Variants in POFUT3 observed in about 807,000 individuals in gnomAD.
POFUT3 encodes GDP-fucose protein O-fucosyltransferase 3.
the POFUT3 span, chr8:33,436,340 C>A: frequency 4.5e-6 from 6 of 1,343,822 alleles, no homozygotes; most frequent in Non-Finnish European, 6.4e-6. Context: ...CCTCTGCCCG[C>A]TCCATGTGTA....
At chr8:33,427,969 A>G in the POFUT3 span, among the ~76,000 whole-genome samples, 2 of 152,058 alleles carry the variant, frequency 1.3e-5, no homozygotes, top group Non-Finnish European at 2.9e-5. Context: ...ACTAAAAAAT[A>G]CAAAAATTAG....
the POFUT3 span, among the ~76,000 whole-genome samples, chr8:33,354,721 T>A: frequency 6.6e-6 from 1 of 152,148 alleles, no homozygotes; most frequent in African/African-American, 2.4e-5. Context: ...CCATCACATG[T>A]TATCTTCTAT....
chr8:33,336,546 C>A, the POFUT3 span, among the ~76,000 whole-genome samples: 2 of 152,222 alleles, frequency 1.3e-5, no homozygotes, highest in South Asian at 4.2e-4. Flanking sequence ...CTAGTAGGAG[C>A]CAGTTCCAGG....
the POFUT3 span, among the ~76,000 whole-genome samples, chr8:33,458,272 A>C: frequency 6.7e-6 from 1 of 149,304 alleles, no homozygotes; most frequent in Non-Finnish European, 1.5e-5. Flanking sequence ...TAAAAAAAAA[A>C]TTAATTTTGG....
the POFUT3 span, among the ~76,000 whole-genome samples, chr8:33,328,381 CA>C: frequency 5.3e-3 from 729 of 137,510 alleles, 7 homozygotes; most frequent in African/African-American, 0.018. Context: ...AAAACAAAAA[CA>C]AAAAACAAAA....
At chr8:33,397,961 G>A in the POFUT3 span, among the ~76,000 whole-genome samples, 1 of 152,150 alleles carries the variant, frequency 6.6e-6, no homozygotes, top group Non-Finnish European at 1.5e-5. Flanking sequence ...TATTTGAAAA[G>A]CATTAAGCTG....
chr8:33,397,680 T>G, the POFUT3 span, among the ~76,000 whole-genome samples: 1 of 152,200 alleles, frequency 6.6e-6, no homozygotes, highest in Non-Finnish European at 1.5e-5. Context: ...TGTTGCTACC[T>G]CTTATTCTTA....
chr8:33,460,789 G>C, the POFUT3 span: 1 of 982,664 alleles, frequency 1.0e-6, no homozygotes, highest in Non-Finnish European at 1.2e-6. Context: ...AAAAAGGGGG[G>C]CAGGGGGTGA....
the POFUT3 span, among the ~76,000 whole-genome samples, chr8:33,367,854 C>T: frequency 1.3e-5 from 2 of 151,822 alleles, no homozygotes; most frequent in Non-Finnish European, 2.9e-5. Context: ...CCCCTACATA[C>T]AGTAATGGTT....
the POFUT3 span, among the ~76,000 whole-genome samples, chr8:33,440,775 C>T: frequency 6.6e-6 from 1 of 152,108 alleles, no homozygotes; most frequent in Non-Finnish European, 1.5e-5. Context: ...ATGATCAGTA[C>T]ATGTAGTTGA....
the POFUT3 span, among the ~76,000 whole-genome samples, chr8:33,336,865 G>C: frequency 1.3e-5 from 2 of 152,150 alleles, no homozygotes; most frequent in Non-Finnish European, 2.9e-5. Flanking sequence ...ACCAAAAGGG[G>C]AGAGACAGGG....
chr8:33,337,884 T>A, the POFUT3 span, among the ~76,000 whole-genome samples: 1 of 152,224 alleles, frequency 6.6e-6, no homozygotes, highest in Non-Finnish European at 1.5e-5. Flanking sequence ...TCTGAAGGTT[T>A]GGTTTCTTCC....
At chr8:33,359,594 T>C in the POFUT3 span, among the ~76,000 whole-genome samples, 5 of 152,222 alleles carry the variant, frequency 3.3e-5, no homozygotes, top group East Asian at 1.9e-4. Context: ...AAAGAAACTA[T>C]TGGCAAATCT....
chr8:33,344,604 T>A, the POFUT3 span, among the ~76,000 whole-genome samples: 37 of 152,184 alleles, frequency 2.4e-4, 1 homozygote, highest in Admixed American at 3.3e-4. Flanking sequence ...CGGAAATGCA[T>A]CCTTCTAATG....
the POFUT3 span, among the ~76,000 whole-genome samples, chr8:33,349,566 G>C: frequency 6.6e-6 from 1 of 152,192 alleles, no homozygotes; most frequent in Non-Finnish European, 1.5e-5. Flanking sequence ...ACTTCACTTA[G>C]GATAATGGTC....
At chr8:33,472,303 T>C in the POFUT3 span, among the ~76,000 whole-genome samples, 1 of 152,196 alleles carries the variant, frequency 6.6e-6, no homozygotes, top group East Asian at 1.9e-4. Flanking sequence ...GGCAGGCTGT[T>C]GGGGCCGTGG....
At chr8:33,385,808 G>A in the POFUT3 span, among the ~76,000 whole-genome samples, 2 of 151,996 alleles carry the variant, frequency 1.3e-5, no homozygotes, top group Non-Finnish European at 2.9e-5. Context: ...CACTTTGGCT[G>A]AAAGAGGAAA....
At chr8:33,416,964 A>G in the POFUT3 span, among the ~76,000 whole-genome samples, 24 of 152,336 alleles carry the variant, frequency 1.6e-4, no homozygotes, top group Admixed American at 1.5e-3. Flanking sequence ...CCCCAACCCC[A>G]AGGCCATAGG....
At chr8:33,324,142 CA>C in the POFUT3 span, among the ~76,000 whole-genome samples, 2 of 152,086 alleles carry the variant, frequency 1.3e-5, no homozygotes, top group African/African-American at 4.8e-5. Flanking sequence ...GTAAGAAGCA[CA>C]AAAAAGCCCA....
Sources: allele counts gnomAD v4.1 joint callset (sites outside exome capture counted in the v4.1 genomes callset), GRCh38; gene constraint gnomAD v4.1.1; transcripts MANE v1.5; gene names NCBI Gene and HGNC (gene_info 2026-07-23, HGNC 2026-07-21).